The following ZCWPW2 variants were observed in gnomAD, a reference collection of about 807,000 sequenced individuals.
ZCWPW2 encodes the protein zinc finger CW-type and PWWP domain containing 2.
Under a neutral mutation model 46.6 loss-of-function variants are expected in ZCWPW2, and 45 were observed. The ratio of observed to expected loss-of-function variants is 0.96; its 90% CI spans 0.76 to 1.24. The LOEUF (loss-of-function observed/expected upper bound fraction) is 1.24. Ranked by LOEUF, ZCWPW2 falls within the 50% of genes most tolerant of loss-of-function variation. ZCWPW2 has a pLI of 0.00. For missense variants in ZCWPW2, 429 were observed against 403.9 expected, an observed-to-expected ratio of 1.06 and a Z score of -0.53; for synonymous variants, 152 against 137.1, an observed-to-expected ratio of 1.11 and a Z score of -0.76.
intron 2 of ZCWPW2, among the ~76,000 whole-genome samples, chr3:28,393,890 C>T (rs1038844087): frequency 2.6e-5 from 4 of 152,132 alleles, no homozygotes; most frequent in Non-Finnish European, 5.9e-5. Context: ...CCCACTCTCA[C>T]TCTCACCACT....
intron 4 of ZCWPW2, among the ~76,000 whole-genome samples, chr3:28,451,195 T>C (rs2125779778): frequency 6.6e-6 from 1 of 152,314 alleles, no homozygotes; most frequent in Middle Eastern, 3.4e-3. Flanking sequence ...ATATCAATCA[T>C]ATATTGAGTC....
chr3:28,431,737 AAC>A (rs1316921035), intron 3 of ZCWPW2, among the ~76,000 whole-genome samples: 1 of 152,156 alleles, frequency 6.6e-6, no homozygotes, highest in Non-Finnish European at 1.5e-5. Context: ...ACTTTATAAC[AAC>A]ACAGTGAGGA....
chr3:28,501,492 G>T (rs575954170), intron 6 of ZCWPW2, among the ~76,000 whole-genome samples: 1 of 152,118 alleles, frequency 6.6e-6, no homozygotes, highest in Non-Finnish European at 1.5e-5. Flanking sequence ...CCACAACGAC[G>T]ACCTCCTATA....
intron 1 of ZCWPW2, among the ~76,000 whole-genome samples, chr3:28,377,574 A>G (rs1286632150): frequency 6.6e-6 from 1 of 152,100 alleles, no homozygotes; most frequent in Admixed American, 6.6e-5. Flanking sequence ...TAAATAAATC[A>G]GCTGTATGAC....
chr3:28,501,429 T>G (rs2125824722), intron 6 of ZCWPW2, among the ~76,000 whole-genome samples: 1 of 152,250 alleles, frequency 6.6e-6, no homozygotes, highest in East Asian at 1.9e-4. Context: ...CTAGTGCGAG[T>G]GACTCCATTC....
chr3:28,363,233 G>A (rs997995795), intron 1 of ZCWPW2, among the ~76,000 whole-genome samples: 1 of 151,840 alleles, frequency 6.6e-6, no homozygotes, highest in South Asian at 2.1e-4. Flanking sequence ...TTTAAAAAAA[G>A]AATAACAAAA....
chr3:28,352,304 A>C (rs1315573710), intron 1 of ZCWPW2, among the ~76,000 whole-genome samples: 1 of 152,192 alleles, frequency 6.6e-6, no homozygotes, highest in Non-Finnish European at 1.5e-5. Context: ...AGGAACATAA[A>C]GGCTTTCCCG....
rs565249047 is a variant in ZCWPW2, at chr3:28,414,520, A to C, written c.332+1120A>C. 1.8e-4 allele frequency among the ~76,000 whole-genome samples: 27 copies of C among 151,004 alleles called. No homozygotes were observed. The East Asian group carries it at 5.1e-3, about 28-fold the overall frequency. ...TGTGCACAACGTGCAGGTTTGTTAC[A>C]TATGTATACACGTGCCATGATGGTG... is the stretch of plus-strand genomic sequence containing the variant. On this transcript the variant is annotated intron_variant, in intron 3 of 9. Coordinates refer to ENST00000383768, the MANE Select transcript of ZCWPW2 (RefSeq NM_001040432.4).
At chr3:28,474,554 C>G (rs1252060493) in intron 4 of ZCWPW2, among the ~76,000 whole-genome samples, 10 of 150,916 alleles carry the variant, frequency 6.6e-5, no homozygotes, top group Admixed American at 2.6e-4. Flanking sequence ...TCTTTCAGTT[C>G]TCTCATCCAT....
Position 28,413,220 on chromosome 3 carries a change from AG to A in ZCWPW2, c.154del (p.Val52LeufsTer11), listed in dbSNP as rs761387216. On this transcript the variant is annotated frameshift_variant, in exon 3 of 10. Coordinates refer to ENST00000383768, the MANE Select transcript of ZCWPW2 (RefSeq NM_001040432.4). LOFTEE classifies it high-confidence loss of function. ...TTGTTATCAAGTGAGGATTCAGCCA[AG>A]GTTGATCATGATGAACCATGGTACT... ...WRLLSSEDSAKVDHDEPWYCF... is the reference protein window; with the variant it reads ...WRLLSSEDSAXVDHDEPWYCF... 2.5e-6 allele frequency: 4 copies of A among 1,613,296 alleles called. No individual in the cohort carries two copies. The highest frequency in any genetic ancestry group is 1.7e-6 in the Non-Finnish European group (2 of 1,179,564).
intron 6 of ZCWPW2, among the ~76,000 whole-genome samples, chr3:28,501,777 A>G (rs969635244): frequency 2.0e-5 from 3 of 151,996 alleles, no homozygotes; most frequent in Admixed American, 6.6e-5. Context: ...TTTTTTTGAG[A>G]CAAGGCTGTC....
chr3:28,460,252 C>CTTT (rs75406240), intron 4 of ZCWPW2, among the ~76,000 whole-genome samples: 1 of 125,430 alleles, frequency 8.0e-6, no homozygotes, highest in African/African-American at 2.9e-5. Flanking sequence ...CAGAGCTAGA[C>CTTT]TTTTTTTTTT....
At chr3:28,408,830 G>T (rs545737979) in intron 2 of ZCWPW2, among the ~76,000 whole-genome samples, 3 of 152,242 alleles carry the variant, frequency 2.0e-5, no homozygotes, top group African/African-American at 7.2e-5. Flanking sequence ...CAGCTCAGTT[G>T]TTCACATAGA....
chr3:28,474,154 A>G (rs1699141158), intron 4 of ZCWPW2, among the ~76,000 whole-genome samples: 1 of 152,198 alleles, frequency 6.6e-6, no homozygotes, highest in Admixed American at 6.5e-5. Context: ...TACACCTACT[A>G]TGTACCTACA....
chr3:28,424,515 G>A (rs1021830529), intron 3 of ZCWPW2, among the ~76,000 whole-genome samples: 2 of 152,154 alleles, frequency 1.3e-5, no homozygotes, highest in East Asian at 3.8e-4. Flanking sequence ...GACGTGCACA[G>A]AAGAAAGACC....
intron 1 of ZCWPW2, among the ~76,000 whole-genome samples, chr3:28,380,124 AG>A (rs1182292721): frequency 2.0e-5 from 3 of 152,032 alleles, no homozygotes; most frequent in Non-Finnish European, 2.9e-5. Context: ...CTGGGACTAC[AG>A]GTGCCCACCA....
chr3:28,500,009 G>A (rs1303052843), intron 6 of ZCWPW2, among the ~76,000 whole-genome samples: 1 of 151,828 alleles, frequency 6.6e-6, no homozygotes, highest in Non-Finnish European at 1.5e-5. Context: ...TATAAAATAT[G>A]TTTCACAATT....
intron 1 of ZCWPW2, among the ~76,000 whole-genome samples, chr3:28,368,476 A>G (rs1240685546): frequency 2.0e-5 from 3 of 152,154 alleles, no homozygotes; most frequent in Admixed American, 2.0e-4. Context: ...TAAGAATGTT[A>G]AATATTGGCC....
chr3:28,358,891 T>G (rs1226378120), intron 1 of ZCWPW2, among the ~76,000 whole-genome samples: 1 of 152,090 alleles, frequency 6.6e-6, no homozygotes, highest in East Asian at 1.9e-4. Flanking sequence ...TTGAAAATTG[T>G]TTTGTTTTCC....
Sources: allele counts gnomAD v4.1 joint callset (sites outside exome capture counted in the v4.1 genomes callset), GRCh38; gene constraint gnomAD v4.1.1; transcripts MANE v1.5; gene names NCBI Gene and HGNC (gene_info 2026-07-23, HGNC 2026-07-21).